THADA: variants seen among roughly 807,000 people sequenced by gnomAD.
THADA encodes the protein tRNA (32-2'-O)-methyltransferase regulator THADA.
THADA carries 213 observed loss-of-function variants against 219.8 expected under a neutral mutation model. The observed-to-expected ratio is 0.97, with a 90% CI of 0.87 to 1.09. The LOEUF (loss-of-function observed/expected upper bound fraction) is 1.09, where lower values mean the gene tolerates loss of function less well. THADA is among the 50% of genes least tolerant of loss of function. THADA has a pLI of 0.00. For missense variants in THADA, 2,956 were observed against 2,311.3 expected, an observed-to-expected ratio of 1.28 and a Z score of -5.72; for synonymous variants, 1,018 against 828.9, an observed-to-expected ratio of 1.23 and a Z score of -3.92.
chr2:43,578,588 T>C lies in THADA; in HGVS notation c.741A>G (p.Val247=). The change falls in exon 9 of 38, where the codon GTA becomes GTG. Residue 247 remains valine, a synonymous_variant. Coordinates refer to ENST00000405975, the MANE Select transcript of THADA (RefSeq NM_022065.5). The stretch of plus-strand genomic sequence containing the variant: ...TAATAGCTAATCCAGATGTGCTCTG[T>C]ACAGTCTGTAACAGATCATCTATTT... ...VLSDDDLLQT[V]QSTSGLAIIL... is the part of the protein sequence containing the mutation. The C allele has an allele frequency of 4.3e-6, 7 of 1,611,772 alleles. No homozygotes were observed. The highest frequency in any genetic ancestry group is 5.9e-6 in the Non-Finnish European group (7 of 1,178,354).
intron 31 of THADA, among the ~76,000 whole-genome samples, chr2:43,299,630 C>T (rs1297444391): frequency 6.6e-6 from 1 of 151,802 alleles, no homozygotes; most frequent in Non-Finnish European, 1.5e-5. Context: ...CTGCTGCACT[C>T]CAGCCTGAGC....
At chr2:43,272,567 T>C (rs1672253926) in intron 36 of THADA, among the ~76,000 whole-genome samples, 1 of 151,852 alleles carries the variant, frequency 6.6e-6, no homozygotes, top group South Asian at 2.1e-4. Flanking sequence ...CTATAGACTA[T>C]CTTAAGTAGG....
chr2:43,342,023 C>T (rs538180632), intron 30 of THADA, among the ~76,000 whole-genome samples: 1 of 152,276 alleles, frequency 6.6e-6, no homozygotes, highest in South Asian at 2.1e-4. Context: ...CCAGCCTGGG[C>T]AATCTGTTGA....
chr2:43,248,164 T>TAGAGAGAGAGAGAGAG (rs70963389), intron 36 of THADA, among the ~76,000 whole-genome samples: 4 of 40,938 alleles, frequency 9.8e-5, no homozygotes, highest in Non-Finnish European at 1.2e-4. Flanking sequence ...TATATATATA[T>TAGAGAGAGAGAGAGAG]AGAGAGAGAG....
intron 36 of THADA, among the ~76,000 whole-genome samples, chr2:43,242,689 A>T (rs1668744180): frequency 6.6e-6 from 1 of 152,164 alleles, no homozygotes; most frequent in African/African-American, 2.4e-5. Flanking sequence ...GGGTTTCACC[A>T]TATTGCCCAG....
chr2:43,402,250 A>G (rs1445076104), intron 28 of THADA, among the ~76,000 whole-genome samples: 1 of 152,200 alleles, frequency 6.6e-6, no homozygotes, highest in South Asian at 2.1e-4. Context: ...GGCGATATAC[A>G]GCCTGCTCAT....
chr2:43,588,967 T>A (rs913002739), intron 4 of THADA, among the ~76,000 whole-genome samples: 1 of 152,194 alleles, frequency 6.6e-6, no homozygotes, highest in African/African-American at 2.4e-5. Flanking sequence ...ATATGGTACA[T>A]TTAAATTTTG....
intron 21 of THADA, among the ~76,000 whole-genome samples, chr2:43,537,173 A>G (rs1694716297): frequency 6.6e-6 from 1 of 152,264 alleles, no homozygotes; most frequent in Admixed American, 6.5e-5. Flanking sequence ...ACAAAACAAC[A>G]AAGGTAATAA....
intron 29 of THADA, among the ~76,000 whole-genome samples, chr2:43,396,354 C>G (rs911682269): frequency 6.6e-6 from 1 of 152,194 alleles, no homozygotes; most frequent in Non-Finnish European, 1.5e-5. Flanking sequence ...GGTGGCCCTG[C>G]TATGTGTTCA....
At chr2:43,324,744 T>C (rs1185576145) in intron 30 of THADA, among the ~76,000 whole-genome samples, 1 of 152,174 alleles carries the variant, frequency 6.6e-6, no homozygotes, top group Non-Finnish European at 1.5e-5. Context: ...ACTTTGATGA[T>C]GGGAACAAAA....
chr2:43,380,662 A>G (rs1573367122), intron 29 of THADA, among the ~76,000 whole-genome samples: 1 of 152,232 alleles, frequency 6.6e-6, no homozygotes, highest in South Asian at 2.1e-4. Context: ...ACACCCTAGT[A>G]GCCATGAGCA....
intron 31 of THADA, among the ~76,000 whole-genome samples, chr2:43,298,116 A>G (rs1476507942): frequency 1.1e-5 from 1 of 93,260 alleles, no homozygotes; most frequent in Non-Finnish European, 2.0e-5. Context: ...GCTCATTGAG[A>G]ACGGGCCAGG....
chr2:43,533,953 A>G (rs984120887), intron 21 of THADA, among the ~76,000 whole-genome samples: 1 of 152,254 alleles, frequency 6.6e-6, no homozygotes, highest in Non-Finnish European at 1.5e-5. Context: ...CATTATGGAC[A>G]TATAATCTAC....
At chr2:43,285,220 G>A (rs748401862) in intron 35 of THADA, among the ~76,000 whole-genome samples, 3 of 152,186 alleles carry the variant, frequency 2.0e-5, no homozygotes, top group Non-Finnish European at 2.9e-5. Context: ...TTCAGGAGGG[G>A]CCTGGGGCAA....
At chr2:43,479,990 T>C (rs536561776) in intron 26 of THADA, among the ~76,000 whole-genome samples, 2 of 152,356 alleles carry the variant, frequency 1.3e-5, no homozygotes, top group East Asian at 3.9e-4. Flanking sequence ...ATTCAGACTT[T>C]GGGTGAAGTG....
chr2:43,329,431 T>C (rs780393641), intron 30 of THADA, among the ~76,000 whole-genome samples: 6 of 152,170 alleles, frequency 3.9e-5, no homozygotes, highest in African/African-American at 7.2e-5. Flanking sequence ...GCACCGTCAA[T>C]AGGACCGTGG....
intron 26 of THADA, among the ~76,000 whole-genome samples, chr2:43,436,506 A>G (rs1440265112): frequency 2.0e-5 from 3 of 152,164 alleles, no homozygotes; most frequent in African/African-American, 7.2e-5. Context: ...TGAGAAGCCT[A>G]TCAGAAACTA....
intron 25 of THADA, among the ~76,000 whole-genome samples, chr2:43,491,402 T>C (rs1687620844): frequency 6.6e-6 from 1 of 151,916 alleles, no homozygotes; most frequent in Non-Finnish European, 1.5e-5. Context: ...AAAAGGAGAG[T>C]AAAGACAGAA....
Position 43,333,458 on chromosome 2 carries a change from T to G in THADA, c.4343+10664A>C, listed in dbSNP as rs78493150. On this transcript the variant is annotated intron_variant, in intron 30 of 37. Coordinates refer to ENST00000405975, the MANE Select transcript of THADA (RefSeq NM_022065.5). ...TGAAAAGCAGTTACTACCTCTTCCA[T>G]TTTTTTCCTAAAAAAAAAAAATAAC... 2.0e-5 allele frequency among the ~76,000 whole-genome samples: 3 copies of G among 150,216 alleles called. No homozygotes were observed. In the South Asian group the frequency reaches 6.3e-4, roughly 32 times the overall value.
Sources: gnomAD v4.1 joint callset for allele counts (sites outside exome capture counted in the v4.1 genomes callset) on GRCh38, gnomAD v4.1.1 for gene constraint, MANE v1.5 for transcripts, NCBI Gene and HGNC (gene_info 2026-07-23, HGNC 2026-07-21) for gene names.